Variants in ETV1 observed in about 807,000 individuals in gnomAD.
ETV1 encodes ETS translocation variant 1.
ETV1 carries 27 observed loss-of-function variants against 62.3 expected under a neutral mutation model. That is an observed-to-expected ratio of 0.43 (90% CI 0.32 to 0.60). ETV1 has a LOEUF of 0.60. Ranked by LOEUF, ETV1 falls within the 20% of genes least tolerant of loss-of-function variation. The probability of loss-of-function intolerance (pLI) is 0.06; values close to 1 mark genes in which losing one functional copy is unlikely to be tolerated. For synonymous variants in ETV1, 222 were observed against 199.6 expected (o/e 1.11, Z -0.94); for missense variants, 605 against 605.8 (o/e 1.00, Z 0.01).
intron 9 of ETV1, among the ~76,000 whole-genome samples, chr7:13,913,621 A>C (rs1402395511): frequency 6.6e-6 from 1 of 152,172 alleles, no homozygotes; most frequent in East Asian, 1.9e-4. Flanking sequence ...ACAAGTATTT[A>C]AACTGAGTAC....
chr7:13,988,932 C>T (rs1782816992), intron 3 of ETV1, 76 bp downstream of exon 3: 1 of 1,461,912 alleles, frequency 6.8e-7, no homozygotes, highest in Non-Finnish European at 9.5e-7. Context: ...GTGCCCCCTC[C>T]CTTCTCATTT....
chr7:13,947,394 A>C (rs1788295221), intron 6 of ETV1, among the ~76,000 whole-genome samples: 1 of 132,562 alleles, frequency 7.5e-6, no homozygotes, highest in African/African-American at 3.6e-5. Flanking sequence ...TAACTATACA[A>C]AAAAAAAAAA....
At position 13,977,445 on chromosome 7, in the gene ETV1, C is replaced by G. The variant is rs1412813233; in HGVS notation, c.217G>C (p.Asp73His). ...VPDNDEQFVP[D>H]YQAESLAFHG... ...TACTTACAACTTTCAGCCTGATAGT[C>G]TGGTACAAACTGCTCATCATTGTCA... The change falls in exon 6 of 14, where the codon GAC becomes CAC. Residue 73 changes from aspartate (D) to histidine (H), a missense_variant. Around this residue, in one of 3 missense-constraint regions of ETV1, gnomAD observed 426 missense variants for 377.8 expected, o/e 1.13. Coordinates refer to ENST00000430479, the MANE Select transcript of ETV1 (RefSeq NM_004956.5). 6.5e-7 allele frequency: 1 copy of G among 1,545,892 alleles called. No homozygotes were observed. Among genetic ancestry groups the G allele is most frequent in the Admixed American group, 2.0e-5 (1 of 50,906 alleles).
intron 4 of ETV1, among the ~76,000 whole-genome samples, chr7:13,987,177 A>C (rs3823706): frequency 0.12 from 18,918 of 152,158 alleles, 1,509 homozygotes; most frequent in African/African-American, 0.21. Flanking sequence ...AATACCTCGA[A>C]ACTAAAAGAA....
intron 13 of ETV1, among the ~76,000 whole-genome samples, chr7:13,900,005 T>C (rs1306875436): frequency 6.6e-6 from 1 of 152,208 alleles, no homozygotes; most frequent in African/African-American, 2.4e-5. Flanking sequence ...GGTGCGCACC[T>C]GTAGTCCCAG....
intron 6 of ETV1, among the ~76,000 whole-genome samples, chr7:13,959,619 C>T (rs1789913547): frequency 6.6e-6 from 1 of 152,014 alleles, no homozygotes; most frequent in Non-Finnish European, 1.5e-5. Flanking sequence ...CACAGTGGCT[C>T]ACACCTGTAA....
At chr7:13,938,379 G>A (rs1350092263) in intron 7 of ETV1, among the ~76,000 whole-genome samples, 1 of 152,194 alleles carries the variant, frequency 6.6e-6, no homozygotes, top group Non-Finnish European at 1.5e-5. Context: ...AAAACAGTAT[G>A]AATATTTGGA....
intron 8 of ETV1, among the ~76,000 whole-genome samples, chr7:13,935,164 A>G (rs1185668378): frequency 6.6e-6 from 1 of 152,142 alleles, no homozygotes; most frequent in Admixed American, 6.6e-5. Context: ...TTGAGTCTCT[A>G]TCTCTTTAAT....
intron 6 of ETV1, among the ~76,000 whole-genome samples, chr7:13,955,080 GC>G (rs1277115792): frequency 2.0e-5 from 3 of 152,120 alleles, no homozygotes; most frequent in Non-Finnish European, 4.4e-5. Context: ...GTTAATACTG[GC>G]TGGGGTAAAT....
chr7:13,961,342 T>G (rs1790144636), intron 6 of ETV1, among the ~76,000 whole-genome samples: 1 of 152,152 alleles, frequency 6.6e-6, no homozygotes, highest in Non-Finnish European at 1.5e-5. Flanking sequence ...GCCCATTAAT[T>G]TTAAATGGGC....
intron 6 of ETV1, among the ~76,000 whole-genome samples, chr7:13,941,406 A>G (rs1787487934): frequency 6.6e-6 from 1 of 152,194 alleles, no homozygotes; most frequent in African/African-American, 2.4e-5. Context: ...AGAAAAAATA[A>G]TTGTGTATGA....
intron 7 of ETV1, among the ~76,000 whole-genome samples, chr7:13,937,117 G>T (rs1240327886): frequency 6.6e-6 from 1 of 152,044 alleles, no homozygotes; most frequent in African/African-American, 2.4e-5. Flanking sequence ...ATTTCTTTTT[G>T]AATTAAATTA....
chr7:13,947,487 G>T (rs1230298272), intron 6 of ETV1, among the ~76,000 whole-genome samples: 1 of 150,948 alleles, frequency 6.6e-6, no homozygotes, highest in Non-Finnish European at 1.5e-5. Context: ...AGTTAAGACA[G>T]GAACATATAT....
intron 6 of ETV1, among the ~76,000 whole-genome samples, chr7:13,972,260 C>T (rs1306297453): frequency 1.3e-5 from 2 of 152,022 alleles, no homozygotes; most frequent in African/African-American, 4.8e-5. Context: ...GGCAAAACCC[C>T]ATCTCTCTAT....
intron 6 of ETV1, among the ~76,000 whole-genome samples, chr7:13,966,353 C>T (rs1012456765): frequency 2.6e-5 from 4 of 152,086 alleles, no homozygotes; most frequent in Admixed American, 2.0e-4. Flanking sequence ...AAAATTAAGT[C>T]CGGGTGTGGT....
chr7:13,989,383 T>G lies in ETV1; in HGVS notation c.-203A>C, dbSNP rs1238338009. On this transcript the variant is annotated 5_prime_UTR_variant, in exon 2 of 14. Transcript: ENST00000430479. ...TCTCGATGTTTCCCTGCGCGGTCGG[T>G]GTACCCCGGGCAGCTCTGATTCGCA... 4 of 483,222 alleles carry G rather than the reference T, an allele frequency of 8.3e-6. No homozygotes were observed. Among genetic ancestry groups the G allele is most frequent in the African/African-American group, 2.0e-5 (1 of 50,010 alleles). The allele number at this position is 483,222 out of a possible 1,614,324, so 29.9% of individuals were successfully genotyped here. A position where few individuals can be genotyped will look rare whatever the true frequency, so the allele number is the denominator to read the frequency against.
chr7:13,965,055 GCTA>G (rs1790625765), intron 6 of ETV1, among the ~76,000 whole-genome samples: 1 of 152,038 alleles, frequency 6.6e-6, no homozygotes, highest in Non-Finnish European at 1.5e-5. Flanking sequence ...CGCCGCTGCT[GCTA>G]CTACTACTAC....
At chr7:13,986,436 T>C in intron 5 of ETV1, 1 of 1,491,180 alleles carries the variant, frequency 6.7e-7, no homozygotes, top group Non-Finnish European at 8.9e-7. Context: ...TTTCTCCTGG[T>C]AATTTGTGAT....
intron 6 of ETV1, among the ~76,000 whole-genome samples, chr7:13,944,337 T>C (rs1191891450): frequency 1.3e-5 from 2 of 152,200 alleles, no homozygotes; most frequent in Non-Finnish European, 2.9e-5. Context: ...ATTAAGTGTT[T>C]GGTAAAAGCT....
Sources: gnomAD v4.1 joint callset for allele counts (sites outside exome capture counted in the v4.1 genomes callset) on GRCh38, gnomAD v4.1.1 for gene constraint, gnomAD v4.1.1 regional missense constraint, MANE v1.5 for transcripts, NCBI Gene and HGNC (gene_info 2026-07-23, HGNC 2026-07-21) for gene names.